Variants in DPY19L4 observed in about 807,000 individuals in gnomAD.
DPY19L4 encodes probable C-mannosyltransferase DPY19L4.
DPY19L4 carries 97 observed loss-of-function variants against 102.8 expected under a neutral mutation model. The ratio of observed to expected loss-of-function variants is 0.94; its 90% CI spans 0.80 to 1.12. DPY19L4 has a LOEUF of 1.12. Among genes scored for constraint, DPY19L4 ranks in the 50% most tolerant of loss-of-function variants. DPY19L4 has a pLI of 0.00. For missense variants in DPY19L4, 815 were observed against 850.4 expected, an observed-to-expected ratio of 0.96 and a Z score of 0.52; for synonymous variants, 252 against 283.1, an observed-to-expected ratio of 0.89 and a Z score of 1.10.
chr8:94,768,927 C>T (rs909639097), intron 12 of DPY19L4, among the ~76,000 whole-genome samples: 4 of 150,524 alleles, frequency 2.7e-5, no homozygotes, highest in Non-Finnish European at 4.4e-5. Context: ...GCAGGAGAAT[C>T]GCTTGAACCC....
chr8:94,737,931 T>TTCC (rs1193487841), intron 3 of DPY19L4, among the ~76,000 whole-genome samples: 1 of 151,850 alleles, frequency 6.6e-6, no homozygotes, highest in African/African-American at 2.4e-5. Context: ...GTAGCTGAGG[T>TTCC]GGGAGGATCA....
chr8:94,753,022 A>T (rs1164529403), intron 6 of DPY19L4, among the ~76,000 whole-genome samples: 1 of 151,898 alleles, frequency 6.6e-6, no homozygotes, highest in Non-Finnish European at 1.5e-5. Context: ...AAAAAAAAAA[A>T]ACCTGACAGT....
chr8:94,772,580 C>G (rs1009693748), intron 13 of DPY19L4, among the ~76,000 whole-genome samples: 5 of 152,218 alleles, frequency 3.3e-5, no homozygotes, highest in African/African-American at 7.2e-5. Flanking sequence ...ACAGTACACA[C>G]GGAGTACTGT....
chr8:94,743,743 C>T (rs1207377987), intron 6 of DPY19L4, among the ~76,000 whole-genome samples: 3 of 152,298 alleles, frequency 2.0e-5, no homozygotes, highest in East Asian at 1.9e-4. Context: ...CAGTGGCTCA[C>T]GCCTGTAATC....
At chr8:94,763,405 A>G (rs1393333176) in intron 8 of DPY19L4, among the ~76,000 whole-genome samples, 3 of 151,654 alleles carry the variant, frequency 2.0e-5, no homozygotes, top group African/African-American at 4.8e-5. Flanking sequence ...CAGTGGCTCA[A>G]TCACAGCTCA....
At chr8:94,766,547 G>T in intron 10 of DPY19L4, 65 bp from the exon 11 acceptor site, 2 of 1,458,104 alleles carry the variant, frequency 1.4e-6, no homozygotes, top group Non-Finnish European at 1.9e-6. Flanking sequence ...TCTAGTATTG[G>T]GGAAAGCATA....
intron 6 of DPY19L4, among the ~76,000 whole-genome samples, chr8:94,743,423 A>G (rs1370933421): frequency 6.6e-6 from 1 of 151,872 alleles, no homozygotes; most frequent in Non-Finnish European, 1.5e-5. Context: ...GGATCACTTG[A>G]GACCTGGAGT....
chr8:94,757,116 T>C (rs1046375114), intron 7 of DPY19L4, among the ~76,000 whole-genome samples: 2 of 152,208 alleles, frequency 1.3e-5, no homozygotes, highest in African/African-American at 2.4e-5. Context: ...AGTCCTTTGA[T>C]AGTCTTCTTA....
At chr8:94,775,503 C>A (rs1289876020) in intron 13 of DPY19L4, among the ~76,000 whole-genome samples, 1 of 152,088 alleles carries the variant, frequency 6.6e-6, no homozygotes, top group Non-Finnish European at 1.5e-5. Flanking sequence ...AAAAGAAATT[C>A]TTTTGTAGAG....
rs567374644 is a variant in DPY19L4, at chr8:94,758,028, C to T, written c.735+1869C>T. Among the ~76,000 whole-genome samples, 569 of 152,152 alleles carry T rather than the reference C, an allele frequency of 3.7e-3. 3 individuals carry two copies. The highest frequency in any genetic ancestry group is 0.013 in the African/African-American group (549 of 41,524). On this transcript the variant is annotated intron_variant, in intron 7 of 18. Transcript: ENST00000414645. ...TTGGGAGGCTGAGGTGGGAGAATCGCTTGAACCCGGAGGTGGGGGTTGCAG... is the reference window on the plus strand; with the variant it reads ...TTGGGAGGCTGAGGTGGGAGAATCGTTTGAACCCGGAGGTGGGGGTTGCAG...
chr8:94,788,097 T>A (rs4428644), intron 18 of DPY19L4, 45 bp downstream of exon 18: 607,112 of 964,728 alleles, frequency 0.63, 184,370 homozygotes, highest in East Asian at 0.73. Flanking sequence ...ATATATATAT[T>A]TTTTTTTTAG....
chr8:94,720,947 CT>C (rs937821653), intron 1 of DPY19L4, among the ~76,000 whole-genome samples: 28 of 151,402 alleles, frequency 1.8e-4, no homozygotes, highest in African/African-American at 6.8e-4. Context: ...TCAAGCCCCC[CT>C]GCCTTTTTTT....
At chr8:94,747,521 C>T (rs1027432650) in intron 6 of DPY19L4, among the ~76,000 whole-genome samples, 2 of 149,998 alleles carry the variant, frequency 1.3e-5, no homozygotes, top group African/African-American at 4.9e-5. Context: ...GGGGGTCATC[C>T]ATGTGATGTA....
chr8:94,740,333 AATCT>A (rs1811387693), intron 6 of DPY19L4, among the ~76,000 whole-genome samples: 1 of 152,068 alleles, frequency 6.6e-6, no homozygotes, highest in Non-Finnish European at 1.5e-5. Context: ...TAATCCTTAG[AATCT>A]GAATTTTGGG....
intron 12 of DPY19L4, among the ~76,000 whole-genome samples, chr8:94,769,028 G>T (rs1421287869): frequency 5.6e-5 from 8 of 142,778 alleles, no homozygotes; most frequent in Admixed American, 5.5e-4. Flanking sequence ...AAAAAAAGTT[G>T]TATTGACCAG....
chr8:94,770,633 C>CA, intron 13 of DPY19L4, 62 bp downstream of exon 13: 1 of 1,600,792 alleles, frequency 6.2e-7, no homozygotes, highest in Non-Finnish European at 8.5e-7. Flanking sequence ...TGCGGTGACT[C>CA]ACACCTGTAA....
chr8:94,726,369 T>G lies in DPY19L4; in HGVS notation c.55T>G (p.Ser19Ala). 3 of 1,612,016 alleles carry G rather than the reference T, an allele frequency of 1.9e-6. No individual in the cohort carries two copies. The highest frequency in any genetic ancestry group is 2.5e-6 in the Non-Finnish European group (3 of 1,179,570). Residue 19 changes from serine to alanine, a missense_variant, in exon 2 of 19, where the codon TCT becomes GCT. Ser to Ala is a moderately conservative substitution (Grantham distance 99, BLOSUM62 1). Transcript: ENST00000414645. ...GCTGCGCCAAAGAAAAAAGCCAAAG[T>G]CTTCAGAAAATAAGGAATCTGCCAA... ...VELRQRKKPK[S>A]SENKESAKEE...
rs1810375680 is a variant in DPY19L4, at chr8:94,719,941, G to A, written c.-58G>A. 2 of 1,472,792 alleles carry A rather than the reference G, an allele frequency of 1.4e-6. No homozygotes were observed. Among genetic ancestry groups the A allele is most frequent in the Admixed American group, 2.5e-5 (1 of 40,782 alleles). The allele number at this position is 1,472,792 out of a possible 1,614,324, so 91.2% of individuals were successfully genotyped here. On this transcript the variant is annotated 5_prime_UTR_variant, in exon 1 of 19. Coordinates refer to ENST00000414645, the MANE Select transcript of DPY19L4 (RefSeq NM_181787.3). ...AGGCCGAGGGGTTCGGCGACGCGGA[G>A]GGAGGGAGAGTCTGGGCCGCGCGGG...
intron 8 of DPY19L4, among the ~76,000 whole-genome samples, chr8:94,764,689 G>GTGTGTGTGTGTGTGTATATA (rs1415377058): frequency 3.0e-4 from 13 of 43,204 alleles, no homozygotes; most frequent in African/African-American, 1.4e-3. Context: ...GTCTGTGTGT[G>GTGTGTGTGTGTGTGTATATA]TATATATATA....
Sources: allele counts gnomAD v4.1 joint callset (sites outside exome capture counted in the v4.1 genomes callset), GRCh38; gene constraint gnomAD v4.1.1; transcripts MANE v1.5; gene names NCBI Gene and HGNC (gene_info 2026-07-23, HGNC 2026-07-21).